Variants in GPHN observed in about 807,000 individuals in gnomAD.
GPHN encodes gephyrin.
GPHN carries 17 observed loss-of-function variants against 95.5 expected under a neutral mutation model. That is an observed-to-expected ratio of 0.18 (90% CI 0.12 to 0.27). The LOEUF is 0.27. Ranked by LOEUF, GPHN falls within the 10% of genes least tolerant of loss-of-function variation. The probability of loss-of-function intolerance (pLI) is 1.00; values close to 1 mark genes in which losing one functional copy is unlikely to be tolerated. For missense variants in GPHN, 660 were observed against 978.1 expected (o/e 0.67, Z 4.34); for synonymous variants, 320 against 322.5 (o/e 0.99, Z 0.08).
chr14:67,080,425 T>C (rs1284940439), intron 11 of GPHN, among the ~76,000 whole-genome samples: 1 of 152,104 alleles, frequency 6.6e-6, no homozygotes, highest in East Asian at 1.9e-4. Context: ...GTAGTCCCAT[T>C]TGTCTATTTT....
At chr14:67,134,236 A>G (rs1172291613) in intron 17 of GPHN, among the ~76,000 whole-genome samples, 1 of 152,206 alleles carries the variant, frequency 6.6e-6, no homozygotes, top group South Asian at 2.1e-4. Context: ...CTCATGAGGT[A>G]GCACATTCTA....
intron 3 of GPHN, among the ~76,000 whole-genome samples, chr14:66,788,728 C>T (rs1289074515): frequency 6.6e-6 from 1 of 152,200 alleles, no homozygotes; most frequent in Non-Finnish European, 1.5e-5. Context: ...ACAACGTCAG[C>T]TCACTGCAAC....
chr14:66,721,147 A>T (rs1469808997), intron 2 of GPHN, among the ~76,000 whole-genome samples: 1 of 152,220 alleles, frequency 6.6e-6, no homozygotes, highest in Non-Finnish European at 1.5e-5. Context: ...TCTTAAAGTT[A>T]TCAGAAACCT....
the GPHN span, among the ~76,000 whole-genome samples, chr14:67,658,842 T>C: frequency 2.6e-5 from 4 of 152,328 alleles, no homozygotes; most frequent in African/African-American, 9.6e-5. Context: ...AGTTTTGGCA[T>C]CAGCAATGTC....
chr14:67,174,099 T>G (rs1363434260), intron 21 of GPHN, among the ~76,000 whole-genome samples: 1 of 152,238 alleles, frequency 6.6e-6, no homozygotes, highest in Non-Finnish European at 1.5e-5. Flanking sequence ...ATACTTTAAC[T>G]TCTGGGGTAC....
At chr14:67,598,511 T>C in the GPHN span, among the ~76,000 whole-genome samples, 1 of 147,054 alleles carries the variant, frequency 6.8e-6, no homozygotes, top group African/African-American at 2.5e-5. Flanking sequence ...TTTCCTTCGT[T>C]CTAGGGCTAA....
intron 2 of GPHN, among the ~76,000 whole-genome samples, chr14:66,720,148 G>A (rs1326320558): frequency 6.6e-6 from 1 of 152,018 alleles, no homozygotes; most frequent in African/African-American, 2.4e-5. Flanking sequence ...TGTAGTATCA[G>A]GGAAATAAAA....
intron 8 of GPHN, among the ~76,000 whole-genome samples, chr14:66,956,595 T>C (rs948717229): frequency 3.9e-5 from 6 of 152,000 alleles, no homozygotes; most frequent in Admixed American, 3.9e-4. Flanking sequence ...TGTGAGATGG[T>C]ATCTCATTGT....
chr14:66,837,446 G>A (rs1480765554), intron 4 of GPHN, among the ~76,000 whole-genome samples: 5 of 85,764 alleles, frequency 5.8e-5, no homozygotes, highest in Non-Finnish European at 1.1e-4. Flanking sequence ...GACTGTTGTG[G>A]GGTGGGGGGA....
chr14:67,351,457 T>C, the GPHN span, among the ~76,000 whole-genome samples: 1 of 152,232 alleles, frequency 6.6e-6, no homozygotes, highest in East Asian at 1.9e-4. Flanking sequence ...TCAGAAGCTA[T>C]ATAAAGAAAA....
the GPHN span, among the ~76,000 whole-genome samples, chr14:67,236,655 G>A: frequency 6.6e-6 from 1 of 151,910 alleles, no homozygotes; most frequent in Non-Finnish European, 1.5e-5. Context: ...CTTAGCTCAG[G>A]GATATACTAT....
chr14:66,628,831 A>T (rs570317935), intron 1 of GPHN, among the ~76,000 whole-genome samples: 195 of 151,920 alleles, frequency 1.3e-3, no homozygotes, highest in African/African-American at 4.3e-3. Flanking sequence ...AGGGTGAAGC[A>T]GGAAGATTGC....
the GPHN span, among the ~76,000 whole-genome samples, chr14:67,420,901 G>T: frequency 6.6e-6 from 1 of 152,250 alleles, no homozygotes; most frequent in Non-Finnish European, 1.5e-5. Flanking sequence ...GATTGAGAGA[G>T]CAGGCTCTGG....
chr14:66,958,408 A>C (rs1479986651), intron 8 of GPHN, among the ~76,000 whole-genome samples: 1 of 152,214 alleles, frequency 6.6e-6, no homozygotes, highest in Non-Finnish European at 1.5e-5. Flanking sequence ...TAGCATAGAC[A>C]ATCATACTCC....
rs144899714 is a variant in GPHN at position 66,742,039 on chromosome 14, C to T, written c.144-34425C>T. ...ACAATTCCAAGGGATACATGTCAAA[C>T]GCTCAGAATGCTTTATTGAACGCTC... On this transcript the variant is annotated intron_variant, in intron 2 of 22. Transcript: ENST00000478722. Among the ~76,000 whole-genome samples the T allele has an allele frequency of 9.6e-3, 1,455 of 152,244 alleles. 29 individuals carry two copies. The highest frequency in any genetic ancestry group is 0.034 in the African/African-American group (1,411 of 41,532).
At chr14:67,406,068 G>A in the GPHN span, among the ~76,000 whole-genome samples, 1 of 152,044 alleles carries the variant, frequency 6.6e-6, no homozygotes, top group Non-Finnish European at 1.5e-5. Context: ...AGACCAGCCT[G>A]GCCAAAAAGG....
Position 67,177,461 on chromosome 14 carries a change from G to C in GPHN, c.2080-2117G>C, listed in dbSNP as rs554504276. ...TGAGAGACAGTTTGTTGTGATTTCT[G>C]TTCTTTTGCATTTGCTGAGGAGTGT... On this transcript the variant is annotated intron_variant, in intron 21 of 22. Transcript: ENST00000478722. Among the ~76,000 whole-genome samples, 56 of 152,226 alleles carry C rather than the reference G, an allele frequency of 3.7e-4. No individual in the cohort carries two copies. In the Middle Eastern group the frequency reaches 0.02, roughly 55 times the overall value.
chr14:67,598,863 C>T, the GPHN span, among the ~76,000 whole-genome samples: 2 of 152,194 alleles, frequency 1.3e-5, no homozygotes, highest in South Asian at 4.1e-4. Flanking sequence ...GCGTGCACCA[C>T]CACACCCAGC....
In GPHN at chr14:66,508,312, C is replaced by T. The variant is rs559728781; in HGVS notation, c.-216C>T. 87 of 602,418 alleles carry T rather than the reference C, an allele frequency of 1.4e-4. No individual in the cohort carries two copies. Among genetic ancestry groups the T allele is most frequent in the Admixed American group, 8.1e-4 (29 of 35,882 alleles). The allele number at this position is 602,418 out of a possible 1,614,324, so 37.3% of individuals were successfully genotyped here. On this transcript the variant is annotated 5_prime_UTR_variant, in exon 1 of 23. Coordinates refer to ENST00000478722, the MANE Select transcript of GPHN (RefSeq NM_020806.5). ...CCGGACTTGGGGCCGCGCGCCCTGA[C>T]TCCTTCCCCTCCCGCGGACCCGCGC...
Sources: gnomAD v4.1 joint callset for allele counts (sites outside exome capture counted in the v4.1 genomes callset) on GRCh38, gnomAD v4.1.1 for gene constraint, MANE v1.5 for transcripts, NCBI Gene and HGNC (gene_info 2026-07-23, HGNC 2026-07-21) for gene names.